NFAT5: variants seen among roughly 807,000 people sequenced by gnomAD.
NFAT5 encodes the protein nuclear factor of activated T cells 5.
In NFAT5, 31 loss-of-function variants were observed where a neutral mutation model predicts 166.5. The ratio of observed to expected loss-of-function variants is 0.19; its 90% confidence interval spans 0.14 to 0.25. The LOEUF (loss-of-function observed/expected upper bound fraction) is 0.25. Ranked by LOEUF, NFAT5 falls within the 10% of genes least tolerant of loss-of-function variation. NFAT5 has a pLI of 1.00. For synonymous variants in NFAT5, 612 were observed against 639.7 expected (o/e 0.96, Z 0.65); for missense variants, 1,449 against 1,821.8 (o/e 0.80, Z 3.72).
At chr16:69,653,491 T>G in intron 5 of NFAT5, 63 bp downstream of exon 5, 1 of 966,314 alleles carries the variant, frequency 1.0e-6, no homozygotes, top group Non-Finnish European at 1.4e-6. Context: ...GAATATGTCC[T>G]GAAAAGTAAA....
In NFAT5 at chr16:69,635,856, T is replaced by C. The variant is rs150180460; in HGVS notation, c.253+9328T>C. Among the ~76,000 whole-genome samples the C allele has an allele frequency of 4.9e-4, 75 of 152,288 alleles. 3 individuals are homozygous for C. In the East Asian group the frequency reaches 0.014, roughly 27 times the overall value. On this transcript the variant is annotated intron_variant, in intron 3 of 14. Transcript: ENST00000349945. ...CAGCCAAACCACATCATTCTGCCCCTGGCCCCTCCAAATCTCATGTCCTCA... is the reference window on the plus strand; with the variant it reads ...CAGCCAAACCACATCATTCTGCCCCCGGCCCCTCCAAATCTCATGTCCTCA...
chr16:69,669,734 A>G (rs960312293), intron 7 of NFAT5, among the ~76,000 whole-genome samples: 3 of 152,232 alleles, frequency 2.0e-5, no homozygotes, highest in Non-Finnish European at 4.4e-5. Flanking sequence ...ATGGCTCTCA[A>G]AACTTTCACT....
intron 2 of NFAT5, among the ~76,000 whole-genome samples, chr16:69,607,314 G>C (rs1008141558): frequency 1.3e-5 from 2 of 152,200 alleles, no homozygotes; most frequent in South Asian, 4.1e-4. Context: ...ACAAGGATCA[G>C]ATGCTTTGTA....
At chr16:69,662,303 G>A (rs932070080) in intron 7 of NFAT5, among the ~76,000 whole-genome samples, 8 of 152,010 alleles carry the variant, frequency 5.3e-5, no homozygotes, top group African/African-American at 1.5e-4. Flanking sequence ...TAGTAATTCT[G>A]GGCAGAGGGA....
At chr16:69,627,382 A>T (rs926967016) in intron 3 of NFAT5, among the ~76,000 whole-genome samples, 5 of 108,754 alleles carry the variant, frequency 4.6e-5, no homozygotes, top group Admixed American at 1.0e-4. Context: ...ATATATATAT[A>T]TTTTGAAGTT....
chr16:69,690,127 AAAG>A (rs1427832156), intron 11 of NFAT5, among the ~76,000 whole-genome samples: 1 of 152,152 alleles, frequency 6.6e-6, no homozygotes, highest in Non-Finnish European at 1.5e-5. Flanking sequence ...AGTAGACAAA[AAAG>A]AAGAAAGAAA....
At chr16:69,596,357 A>G (rs1200002076) in intron 2 of NFAT5, among the ~76,000 whole-genome samples, 2 of 152,212 alleles carry the variant, frequency 1.3e-5, no homozygotes, top group Non-Finnish European at 2.9e-5. Flanking sequence ...AATAAAACCC[A>G]AACGTCCCAG....
In NFAT5 at chr16:69,566,484, G is replaced by A; in HGVS notation, c.73+110G>A. 3.3e-6 allele frequency: 3 copies of A among 913,656 alleles called. No individual in the cohort carries two copies. Among genetic ancestry groups the A allele is most frequent in the Non-Finnish European group, 5.2e-6 (3 of 578,424 alleles). The allele number at this position is 913,656 out of a possible 1,614,324, so 56.6% of individuals were successfully genotyped here. A position where few individuals can be genotyped will look rare whatever the true frequency, so the allele number is the denominator to read the frequency against. ...GTCCCGCCGGGGGCGGCTGAGCCGC[G>A]ACCCCCATGGCTTCTTTGGCCGGAG... On this transcript the variant is annotated intron_variant, in intron 1 of 14. Transcript: ENST00000349945. This position sits in a 1 kb window ranked among gnomAD's most constrained non-coding sequence, Gnocchi z 5.7.
intron 10 of NFAT5, 101 bp downstream of exon 10, chr16:69,677,436 C>A: frequency 1.0e-6 from 1 of 959,240 alleles, no homozygotes; most frequent in Non-Finnish European, 1.5e-6. Context: ...AAGTTGCTCA[C>A]TAAGATGAAT....
intron 2 of NFAT5, 68 bp from the exon 3 acceptor site, chr16:69,626,335 G>T: frequency 7.2e-7 from 1 of 1,388,188 alleles, no homozygotes; most frequent in South Asian, 1.5e-5. Flanking sequence ...TACTCATTTT[G>T]TGCATATTAG....
At chr16:69,610,572 A>G (rs540725897) in intron 2 of NFAT5, among the ~76,000 whole-genome samples, 146 of 152,298 alleles carry the variant, frequency 9.6e-4, no homozygotes, top group South Asian at 5.4e-3. Context: ...AATTGCATAG[A>G]CAGGAATGCT....
Position 69,670,123 on chromosome 16 carries a change from T to A in NFAT5, c.1504+12T>A, listed in dbSNP as rs2036564718. 11 of 1,609,364 alleles carry A rather than the reference T, an allele frequency of 6.8e-6. No homozygotes were observed. The East Asian group carries it at 2.5e-4, about 36-fold the overall frequency. Reference sequence around the variant, plus strand: ...AGAAAATGTTTCTGGTAAGTACGCATATTTGTGGTACAGATATTTGTATGT... The same window carrying A: ...AGAAAATGTTTCTGGTAAGTACGCAAATTTGTGGTACAGATATTTGTATGT... On this transcript the variant is annotated intron_variant, in intron 8 of 14. Transcript: ENST00000349945.
intron 6 of NFAT5, 66 bp from the exon 7 acceptor site, chr16:69,659,660 GT>G (rs2036038821): frequency 1.5e-6 from 2 of 1,304,152 alleles, no homozygotes; most frequent in Admixed American, 5.2e-5. Context: ...AAACAAACTT[GT>G]TGATTAAGAA....
rs1164519208 is a variant in NFAT5 at position 69,698,107 on chromosome 16, C to CCCTCCA, written c.*1765_*1770dup. 6.6e-6 allele frequency: 1 copy of CCCTCCA among 151,996 alleles called. No individual in the cohort carries two copies. Among genetic ancestry groups the CCCTCCA allele is most frequent in the African/African-American group, 2.4e-5 (1 of 41,288 alleles). 9.4% of individuals were successfully genotyped at this position (151,996 alleles called of 1,614,324 possible). ...TTTCTCTTTTTTCTCATGTTTTCTTCCCTCCACCTCCACCCCTTTCTTTCT... is the reference window on the plus strand; with the variant it reads ...TTTCTCTTTTTTCTCATGTTTTCTTCCCTCCACCTCCACCTCCACCCCTTTCTTTCT... On this transcript the variant is annotated 3_prime_UTR_variant, in exon 15 of 15. Coordinates refer to ENST00000349945, the MANE Select transcript of NFAT5 (RefSeq NM_138713.4).
chr16:69,682,953 T>C (rs117337986), intron 10 of NFAT5, among the ~76,000 whole-genome samples: 5,350 of 152,318 alleles, frequency 0.035, 140 homozygotes, highest in South Asian at 0.077. Flanking sequence ...GGCTCACGCA[T>C]AGAATCCCAG....
chr16:69,573,869 C>CTT (rs774086026), intron 2 of NFAT5, among the ~76,000 whole-genome samples: 20 of 111,728 alleles, frequency 1.8e-4, no homozygotes, highest in Non-Finnish European at 2.9e-4. Context: ...AAAACAGCCA[C>CTT]TTTTTTTTTT....
intron 2 of NFAT5, among the ~76,000 whole-genome samples, chr16:69,569,142 CTT>C (rs1476646558): frequency 6.6e-6 from 1 of 151,860 alleles, no homozygotes; most frequent in African/African-American, 2.4e-5. Context: ...CTTTAGAAAA[CTT>C]TTGGCTTTGT....
At chr16:69,619,601 G>A (rs903589484) in intron 2 of NFAT5, among the ~76,000 whole-genome samples, 1 of 152,184 alleles carries the variant, frequency 6.6e-6, no homozygotes, top group Non-Finnish European at 1.5e-5. Flanking sequence ...GCCCTGCAAA[G>A]TGCTCAAAAA....
rs2036859857 is a variant in NFAT5, at chr16:69,677,082, T to C, written c.1558-121T>C. ...ATGCCTGTGAACCTGAGCTTTAAAATGCATTCTTTTTTTTTTAATCACTTT... is the reference window on the plus strand; with the variant it reads ...ATGCCTGTGAACCTGAGCTTTAAAACGCATTCTTTTTTTTTTAATCACTTT... On this transcript the variant is annotated intron_variant, in intron 9 of 14. Transcript: ENST00000349945. 1.7e-5 allele frequency: 16 copies of C among 946,618 alleles called. No individual in the cohort carries two copies. In the South Asian group the frequency reaches 1.9e-4, roughly 11 times the overall value. 58.6% of individuals were successfully genotyped at this position (946,618 alleles called of 1,614,324 possible). A position where few individuals can be genotyped will look rare whatever the true frequency, so the allele number is the denominator to read the frequency against.
Sources: allele counts gnomAD v4.1 joint callset (sites outside exome capture counted in the v4.1 genomes callset), GRCh38; gene constraint gnomAD v4.1.1; non-coding constraint Gnocchi (gnomAD v3.1); transcripts MANE v1.5; gene names NCBI Gene and HGNC (gene_info 2026-07-23, HGNC 2026-07-21).